The following TAOK3 variants were observed in gnomAD, a reference collection of about 807,000 sequenced individuals.
TAOK3 encodes TAO kinase 3, also known as serine/threonine-protein kinase TAO3.
TAOK3 carries 40 observed loss-of-function variants against 120.4 expected under a neutral mutation model. The ratio of observed to expected loss-of-function variants is 0.33; its 90% CI spans 0.26 to 0.43. The LOEUF is 0.43. Ranked by LOEUF, TAOK3 falls within the 20% of genes least tolerant of loss-of-function variation. The probability of loss-of-function intolerance (pLI) is 1.00; values close to 1 mark genes in which losing one functional copy is unlikely to be tolerated. For synonymous variants in TAOK3, 355 were observed against 387.5 expected, an observed-to-expected ratio of 0.92 and a Z score of 0.99; for missense variants, 821 against 1,112.1, an observed-to-expected ratio of 0.74 and a Z score of 3.72.
chr12:118,163,768 A>G (rs1419325387), intron 17 of TAOK3, among the ~76,000 whole-genome samples: 1 of 151,974 alleles, frequency 6.6e-6, no homozygotes, highest in East Asian at 1.9e-4. Flanking sequence ...ATGGAGTGCA[A>G]TGGTGTGACT....
intron 1 of TAOK3, among the ~76,000 whole-genome samples, chr12:118,311,598 A>T (rs1403744684): frequency 6.7e-6 from 1 of 148,660 alleles, no homozygotes; most frequent in Admixed American, 6.8e-5. Flanking sequence ...ACAAAGAATA[A>T]GTCTCATTTA....
chr12:118,317,643 A>G (rs1206026853), intron 1 of TAOK3, among the ~76,000 whole-genome samples: 3 of 152,062 alleles, frequency 2.0e-5, no homozygotes, highest in Non-Finnish European at 4.4e-5. Flanking sequence ...TTATGTGTTC[A>G]GGAGCTAGAA....
In TAOK3 at chr12:118,371,746, C is replaced by T. The variant is rs2045900977; in HGVS notation, c.-194+902G>A. Reference sequence around the variant, plus strand: ...CCGCCCGCTCCCTCGCTGCTCACGCCGGGCCCCCGCTATGTGACTGGGGGC... The same window carrying T: ...CCGCCCGCTCCCTCGCTGCTCACGCTGGGCCCCCGCTATGTGACTGGGGGC... On this transcript the variant is annotated intron_variant, in intron 1 of 20. Coordinates refer to ENST00000392533, the MANE Select transcript of TAOK3 (RefSeq NM_016281.4). This position sits in a 1 kb window ranked among gnomAD's most constrained non-coding sequence, Gnocchi z 5.5. Among the ~76,000 whole-genome samples the T allele has an allele frequency of 6.6e-6, 1 of 152,222 alleles. No homozygotes were observed. The highest frequency in any genetic ancestry group is 1.9e-4 in the East Asian group (1 of 5,134).
At chr12:118,288,320 A>C (rs538363981) in intron 1 of TAOK3, among the ~76,000 whole-genome samples, 1 of 152,236 alleles carries the variant, frequency 6.6e-6, no homozygotes, top group East Asian at 1.9e-4. Flanking sequence ...GGAACCCTCC[A>C]ATGTGACTGT....
chr12:118,226,179 TC>T (rs1246083374), intron 9 of TAOK3, among the ~76,000 whole-genome samples: 1 of 152,150 alleles, frequency 6.6e-6, no homozygotes, highest in African/African-American at 2.4e-5. Flanking sequence ...ATCGAGACCA[TC>T]CTGGCTAACA....
intron 2 of TAOK3, among the ~76,000 whole-genome samples, chr12:118,265,703 G>A (rs1219300449): frequency 3.3e-5 from 5 of 152,114 alleles, no homozygotes; most frequent in African/African-American, 4.8e-5. Flanking sequence ...CTTTGACCTA[G>A]TAATACACTT....
chr12:118,176,526 G>T (rs1020361829), intron 16 of TAOK3, among the ~76,000 whole-genome samples: 2 of 152,090 alleles, frequency 1.3e-5, no homozygotes, highest in African/African-American at 4.8e-5. Context: ...AAAATACATA[G>T]GAAGAAGACA....
intron 1 of TAOK3, among the ~76,000 whole-genome samples, chr12:118,340,787 A>C (rs1300495316): frequency 1.3e-5 from 2 of 151,700 alleles, no homozygotes; most frequent in South Asian, 2.1e-4. Flanking sequence ...AAAAAAAAAA[A>C]AAAACATTGG....
intron 1 of TAOK3, among the ~76,000 whole-genome samples, chr12:118,300,752 CT>C (rs1043256650): frequency 6.6e-6 from 1 of 151,716 alleles, no homozygotes; most frequent in Non-Finnish European, 1.5e-5. Flanking sequence ...TAGGACCTTC[CT>C]TTTTGATTTT....
intron 1 of TAOK3, among the ~76,000 whole-genome samples, chr12:118,286,191 A>G (rs986941503): frequency 6.6e-5 from 10 of 152,148 alleles, no homozygotes; most frequent in African/African-American, 2.4e-4. Flanking sequence ...TAGATTTAGA[A>G]TGAATCTAAG....
intron 1 of TAOK3, among the ~76,000 whole-genome samples, chr12:118,331,306 C>T (rs2044135909): frequency 6.6e-6 from 1 of 152,106 alleles, no homozygotes; most frequent in South Asian, 2.1e-4. Flanking sequence ...CCCCCAGCTG[C>T]ACCATTTGCC....
chr12:118,177,183 A>T lies in TAOK3; in HGVS notation c.1695+18T>A. The T allele has an allele frequency of 6.2e-7, 1 of 1,610,856 alleles. No homozygotes were observed. The highest frequency in any genetic ancestry group is 2.2e-5 in the East Asian group (1 of 44,828). On this transcript the variant is annotated intron_variant, in intron 16 of 20. Transcript: ENST00000392533. ...ATTCTAATGGCAACTTGGTGAGAAC[A>T]AACATTGGTATCCTTACCTCTTTTA...
chr12:118,151,891 G>A (rs1367272925), intron 20 of TAOK3, among the ~76,000 whole-genome samples: 1 of 152,026 alleles, frequency 6.6e-6, no homozygotes, highest in Non-Finnish European at 1.5e-5. Flanking sequence ...TGGCTTCCTC[G>A]TGCCATTTGG....
chr12:118,223,082 TTTTTTG>T, intron 9 of TAOK3, among the ~76,000 whole-genome samples: 1 of 136,008 alleles, frequency 7.4e-6, no homozygotes, highest in African/African-American at 2.7e-5. Context: ...TTTTTTTTTT[TTTTTTG>T]AGACGCAGTC....
At chr12:118,159,967 C>T in intron 19 of TAOK3, 179 bp downstream of exon 19, 1 of 620,420 alleles carries the variant, frequency 1.6e-6, no homozygotes, top group Non-Finnish European at 2.9e-6. Context: ...TAAGACACTC[C>T]AGCAAGTATC....
At chr12:118,228,627 T>A (rs756782897) in intron 9 of TAOK3, among the ~76,000 whole-genome samples, 2 of 152,222 alleles carry the variant, frequency 1.3e-5, no homozygotes, top group African/African-American at 2.4e-5. Context: ...TATGATACAG[T>A]ATTCCATAAT....
At chr12:118,181,276 T>C (rs1374665542) in intron 15 of TAOK3, 95 bp downstream of exon 15, 1 of 1,076,650 alleles carries the variant, frequency 9.3e-7, no homozygotes, top group Non-Finnish European at 1.4e-6. Context: ...ACAATTTTCC[T>C]CCATCCCCCA....
intron 7 of TAOK3, among the ~76,000 whole-genome samples, chr12:118,237,857 A>G (rs1306482139): frequency 1.3e-5 from 2 of 152,160 alleles, no homozygotes; most frequent in African/African-American, 4.8e-5. Context: ...ACAGTTACCT[A>G]CTGAACAAAG....
At chr12:118,307,802 T>G (rs2043105737) in intron 1 of TAOK3, among the ~76,000 whole-genome samples, 1 of 152,164 alleles carries the variant, frequency 6.6e-6, no homozygotes, top group South Asian at 2.1e-4. Context: ...ATCTTATTAC[T>G]AAAACACTAA....
Sources: gnomAD v4.1 joint callset for allele counts (sites outside exome capture counted in the v4.1 genomes callset) on GRCh38, gnomAD v4.1.1 for gene constraint, Gnocchi (gnomAD v3.1) non-coding constraint, MANE v1.5 for transcripts, NCBI Gene and HGNC (gene_info 2026-07-23, HGNC 2026-07-21) for gene names.